PITPNM1: variants seen among roughly 807,000 people sequenced by gnomAD.
PITPNM1 encodes the protein phosphatidylinositol transfer protein membrane associated 1, also known as membrane-associated phosphatidylinositol transfer protein 1.
A neutral mutation model predicts 133.3 loss-of-function variants in PITPNM1; 74 were observed. The observed-to-expected ratio is 0.56, with a 90% CI of 0.46 to 0.67. The LOEUF is 0.67. Ranked by LOEUF, PITPNM1 falls within the 30% of genes least tolerant of loss-of-function variation. The probability of loss-of-function intolerance (pLI) is 0.00; values close to 1 mark genes in which losing one functional copy is unlikely to be tolerated. For synonymous variants in PITPNM1, 738 were observed against 741.4 expected (o/e 1.00, Z 0.08); for missense variants, 1,398 against 1,739.5 (o/e 0.80, Z 3.49).
At chr11:67,492,823 G>A in intron 23 of PITPNM1, 111 bp downstream of exon 23, 1 of 1,346,852 alleles carries the variant, frequency 7.4e-7, no homozygotes, top group South Asian at 1.5e-5. Context: ...GTTCCCTGGA[G>A]GCCGGTTAGG....
intron 15 of PITPNM1, 124 bp downstream of exon 15, chr11:67,496,054 G>A: frequency 1.1e-6 from 1 of 930,844 alleles, no homozygotes; most frequent in Non-Finnish European, 1.5e-6. Flanking sequence ...AGGAGCGCCT[G>A]GTCCTGGGAG....
rs377649417 is a variant in PITPNM1, at chr11:67,502,254, G to A, written c.415+38C>T. 3 of 1,602,330 alleles carry A rather than the reference G, an allele frequency of 1.9e-6. No individual in the cohort carries two copies. In the African/African-American group the frequency reaches 4.0e-5, roughly 21 times the overall value. On this transcript the variant is annotated intron_variant, in intron 4 of 23. Coordinates refer to ENST00000356404, the MANE Select transcript of PITPNM1 (RefSeq NM_004910.3). This position sits in a 1 kb window ranked among gnomAD's most constrained non-coding sequence, Gnocchi z 5.9. ...CCCACTGAGGCAGCCAGGAGCCTGA[G>A]AGGGGCGCCAGGGTCCCCCCATAGC...
rs1445007331 is a variant in PITPNM1 at position 67,493,801 on chromosome 11, C to T, written c.3045G>A (p.Val1015=). 1 of 1,549,938 alleles carries T rather than the reference C, an allele frequency of 6.5e-7. No individual in the cohort carries two copies. Among genetic ancestry groups the T allele is most frequent in the Non-Finnish European group, 8.7e-7 (1 of 1,147,692 alleles). ...CCACAGCCTCCGTGCCGCGGGCCACCACAGTCAGGCAGCATTCGGCATAGG... is the reference window on the plus strand; with the variant it reads ...CCACAGCCTCCGTGCCGCGGGCCACTACAGTCAGGCAGCATTCGGCATAGG... ...DHTYAECCLT[V]VARGTEAVVF... is the part of the protein sequence containing the mutation. Residue 1015 remains valine, a synonymous_variant, in exon 21 of 24, where the codon GTG becomes GTA. Transcript: ENST00000356404.
rs1268643939 is a variant in PITPNM1, at chr11:67,497,274, G to A, written c.2103C>T (p.Gly701=). The A allele has an allele frequency of 6.2e-7, 1 of 1,612,232 alleles. No homozygotes were observed. Among genetic ancestry groups the A allele is most frequent in the Non-Finnish European group, 8.5e-7 (1 of 1,179,562 alleles). Residue 701 remains glycine, a synonymous_variant, in exon 14 of 24, where the codon GGC becomes GGT. Coordinates refer to ENST00000356404, the MANE Select transcript of PITPNM1 (RefSeq NM_004910.3). Reference sequence around the variant, plus strand: ...CAGTTTTGCGCAGAGCCAGCACCAGGCCCAGTGGGGAGCCGAAGAGGAAGA... The same window carrying A: ...CAGTTTTGCGCAGAGCCAGCACCAGACCCAGTGGGGAGCCGAAGAGGAAGA... The part of the protein sequence containing the change: ...SGFFLFGSPL[G]LVLALRKTVM...
At position 67,498,126 on chromosome 11, in the gene PITPNM1, C is replaced by T. The variant is rs565505996; in HGVS notation, c.1674+7G>A. On this transcript the variant is annotated splice_region_variant and intron_variant, in intron 11 of 23. Transcript: ENST00000356404. This position sits in a 1 kb window ranked among gnomAD's most constrained non-coding sequence, Gnocchi z 5.7. The stretch of plus-strand genomic sequence containing the variant: ...GGGCAGCAGATGGACTGTCCCTAAC[C>T]GCTGACCTGCCCACAGAAGCCGGCA... The T allele has an allele frequency of 8.1e-6, 13 of 1,612,020 alleles. No homozygotes were observed. Among genetic ancestry groups the T allele is most frequent in the Middle Eastern group, 1.7e-4 (1 of 6,060 alleles).
chr11:67,503,801 C>T, intron 2 of PITPNM1: 1 of 311,620 alleles, frequency 3.2e-6, no homozygotes, highest in Non-Finnish European at 6.0e-6. Context: ...TCCCGCCTTC[C>T]TCTGCCGCGG....
chr11:67,505,895 C>G (rs555425580), upstream of PITPNM1, among the ~76,000 whole-genome samples: 3 of 152,218 alleles, frequency 2.0e-5, no homozygotes, highest in African/African-American at 2.4e-5. This position sits in a 1 kb window ranked among gnomAD's most constrained non-coding sequence, Gnocchi z 5.8. Context: ...AAGCCTCCCC[C>G]ACCTCTGCCT....
chr11:67,493,339 C>G (rs1865997953), intron 22 of PITPNM1, 71 bp downstream of exon 22: 6 of 1,428,730 alleles, frequency 4.2e-6, no homozygotes, highest in Non-Finnish European at 5.6e-6. Context: ...GGGCCTCCGC[C>G]GATCCGGGGG....
rs1263875084 is a variant in PITPNM1, at chr11:67,493,396, C to T, written c.3342+14G>A. ...GGCGGGGTCAGGACCCGGAGCCTCC[C>T]CCAGCCGCCGCACCTCCTGCACCAG... On this transcript the variant is annotated intron_variant, in intron 22 of 23. Coordinates refer to ENST00000356404, the MANE Select transcript of PITPNM1 (RefSeq NM_004910.3). 11 of 1,560,924 alleles carry T rather than the reference C, an allele frequency of 7.0e-6. No individual in the cohort carries two copies. The highest frequency in any genetic ancestry group is 7.8e-6 in the Non-Finnish European group (9 of 1,148,542).
chr11:67,494,259 C>T lies in PITPNM1; in HGVS notation c.2844G>A (p.Thr948=), dbSNP rs764353042. 1.9e-6 allele frequency: 3 copies of T among 1,612,442 alleles called. No individual in the cohort carries two copies. Among genetic ancestry groups the T allele is most frequent in the Non-Finnish European group, 2.5e-6 (3 of 1,179,660 alleles). The change falls in exon 19 of 24, where the codon ACG becomes ACA. Residue 948 remains threonine (T), a synonymous_variant. Coordinates refer to ENST00000356404, the MANE Select transcript of PITPNM1 (RefSeq NM_004910.3). Reference sequence around the variant, plus strand: ...GGGTCCTGACCTTCTCTCCAGTGAGCGTGACGACGTCCAGGGGCCCGTACA... The same window carrying T: ...GGGTCCTGACCTTCTCTCCAGTGAGTGTGACGACGTCCAGGGGCCCGTACA... ...RFMYGPLDVV[T]LTGEKVDVYI...
rs1591062813 is a variant in PITPNM1 at position 67,499,773 on chromosome 11, T to C, written c.1121A>G (p.Asn374Ser). ...FPKEMTKWNS[N>S]DFIDAFASPV... ...GGAGGCAAAGGCATCAATGAAGTCA[T>C]TGGAGTTCCACTTGGTCATCTCCTT... Residue 374 changes from asparagine (N) to serine (S), a missense_variant, in exon 8 of 24, where the codon AAT (asparagine) becomes AGT (serine). Physicochemically the swap from Asn to Ser is conservative, Grantham distance 46. This residue lies in a region of PITPNM1 where 195 missense variants were observed against 178.8 expected (regional missense o/e 1.09). Coordinates refer to ENST00000356404, the MANE Select transcript of PITPNM1 (RefSeq NM_004910.3). 3 of 1,527,504 alleles carry C rather than the reference T, an allele frequency of 2.0e-6. No homozygotes were observed. Among genetic ancestry groups the C allele is most frequent in the Non-Finnish European group, 2.6e-6 (3 of 1,133,808 alleles). 94.6% of individuals were successfully genotyped at this position (1,527,504 alleles called of 1,614,324 possible). A position where few individuals can be genotyped will look rare whatever the true frequency, so the allele number is the denominator to read the frequency against.
At position 67,497,902 on chromosome 11, in the gene PITPNM1, T is replaced by C. The variant is rs752012867; in HGVS notation, c.1782+15A>G. On this transcript the variant is annotated intron_variant, in intron 12 of 23. Coordinates refer to ENST00000356404, the MANE Select transcript of PITPNM1 (RefSeq NM_004910.3). ...CCTTTCCGCTCCTGAGGAGGCCGGG[T>C]TTGGCTATACTGACCATGCTCCCAC... 21 of 1,607,648 alleles carry C rather than the reference T, an allele frequency of 1.3e-5. No homozygotes were observed.
At position 67,504,874 on chromosome 11, in the gene PITPNM1, C is replaced by T. The variant is rs989142700; in HGVS notation, c.-42+314G>A. On this transcript the variant is annotated intron_variant, in intron 1 of 23. Coordinates refer to ENST00000356404, the MANE Select transcript of PITPNM1 (RefSeq NM_004910.3). The surrounding 1 kb of genome is among the most constrained non-coding windows in gnomAD (Gnocchi z 5.4). ...GTCCTCGACCTCCCCCTCCCAGCAT[C>T]CTTCCTGGACCCCTGGCCCTCGCCG... 1 of 152,862 alleles carries T rather than the reference C, an allele frequency of 6.5e-6. No homozygotes were observed. The highest frequency in any genetic ancestry group is 1.5e-5 in the Non-Finnish European group (1 of 68,572). 9.5% of individuals were successfully genotyped at this position (152,862 alleles called of 1,614,324 possible).
In PITPNM1 at chr11:67,493,875, G is replaced by T. The variant is rs372314667; in HGVS notation, c.3009-38C>A. Reference sequence around the variant, plus strand: ...GGGCGGGGCGTGAGTGGCGCGGGGCGAGGCCTGGCGGAGCCCTCCCGCAGA... The same window carrying T: ...GGGCGGGGCGTGAGTGGCGCGGGGCTAGGCCTGGCGGAGCCCTCCCGCAGA... On this transcript the variant is annotated intron_variant, in intron 20 of 23. Transcript: ENST00000356404. 6 of 1,523,758 alleles carry T rather than the reference G, an allele frequency of 3.9e-6. No homozygotes were observed. The South Asian group carries it at 5.0e-5, about 13-fold the overall frequency. 94.4% of individuals were successfully genotyped at this position (1,523,758 alleles called of 1,614,324 possible).
Position 67,494,920 on chromosome 11 carries a change from C to G in PITPNM1, c.2668G>C (p.Glu890Gln). 5.6e-6 allele frequency: 9 copies of G among 1,612,914 alleles called. No homozygotes were observed. The highest frequency in any genetic ancestry group is 7.6e-6 in the Non-Finnish European group (9 of 1,179,824). The change falls in exon 18 of 24, where the codon GAG (glutamate) becomes CAG (glutamine). Residue 890 changes from glutamate (E) to glutamine (Q), a missense_variant. By Grantham distance (29) the Glu-to-Gln change is conservative. Coordinates refer to ENST00000356404, the MANE Select transcript of PITPNM1 (RefSeq NM_004910.3). ...EKERPQLAEC[E>Q]EPSIYSPAFP... ...GCCGGGCTGTAGATGGACGGCTCCTCGCATTCCGCCAGCTGTGGCCGCTCC... is the reference window on the plus strand; with the variant it reads ...GCCGGGCTGTAGATGGACGGCTCCTGGCATTCCGCCAGCTGTGGCCGCTCC...
At position 67,504,317 on chromosome 11, in the gene PITPNM1, T is replaced by G. The variant is rs984030527; in HGVS notation, c.-41-96A>C. The G allele has an allele frequency of 2.6e-6, 1 of 381,458 alleles. No individual in the cohort carries two copies. The highest frequency in any genetic ancestry group is 4.5e-5 in the East Asian group (1 of 22,090). 23.6% of individuals were successfully genotyped at this position (381,458 alleles called of 1,614,324 possible). On this transcript the variant is annotated intron_variant, in intron 1 of 23. Transcript: ENST00000356404. The surrounding 1 kb of genome is among the most constrained non-coding windows in gnomAD (Gnocchi z 5.4). ...GAGGGACTCAGGCCACGGGACCCCATGTCCGGGCCCGCCACGAGGGAGGCA... is the reference window on the plus strand; with the variant it reads ...GAGGGACTCAGGCCACGGGACCCCAGGTCCGGGCCCGCCACGAGGGAGGCA...
chr11:67,494,137 C>T lies in PITPNM1; in HGVS notation c.2860-67G>A, dbSNP rs1591052902. The T allele has an allele frequency of 3.7e-5, 56 of 1,532,482 alleles. 1 individual carries two copies. In the South Asian group the frequency reaches 5.6e-4, roughly 15 times the overall value. The allele number at this position is 1,532,482 out of a possible 1,614,324, so 94.9% of individuals were successfully genotyped here. Reference sequence around the variant, plus strand: ...TGGAGGTGGGCAGAGGCGGGGCTGTCGTCGGGGATGGGTGGGTCTAGGGGC... The same window carrying T: ...TGGAGGTGGGCAGAGGCGGGGCTGTTGTCGGGGATGGGTGGGTCTAGGGGC... On this transcript the variant is annotated intron_variant, in intron 19 of 23. Coordinates refer to ENST00000356404, the MANE Select transcript of PITPNM1 (RefSeq NM_004910.3).
chr11:67,503,727 TG>T, intron 2 of PITPNM1: 1 of 192,126 alleles, frequency 5.2e-6, no homozygotes, highest in Non-Finnish European at 1.1e-5. Context: ...GTTTGACACC[TG>T]GTCCTCACCA....
At chr11:67,505,605 C>T (rs1241155486), upstream of PITPNM1, among the ~76,000 whole-genome samples, 2 of 152,360 alleles carry the variant, frequency 1.3e-5, no homozygotes, top group African/African-American at 4.8e-5. This position sits in a 1 kb window ranked among gnomAD's most constrained non-coding sequence, Gnocchi z 5.8. Flanking sequence ...CTATCTCCAC[C>T]CTAGCCCAGC....
Sources: allele counts gnomAD v4.1 joint callset (sites outside exome capture counted in the v4.1 genomes callset), GRCh38; gene constraint gnomAD v4.1.1; regional missense constraint gnomAD v4.1.1; non-coding constraint Gnocchi (gnomAD v3.1); transcripts MANE v1.5; gene names NCBI Gene and HGNC (gene_info 2026-07-23, HGNC 2026-07-21).